CSK: variants seen among roughly 807,000 people sequenced by gnomAD.
CSK encodes tyrosine-protein kinase CSK.
CSK carries 7 observed loss-of-function variants against 62.3 expected under a neutral mutation model. That is an observed-to-expected ratio of 0.11 (90% CI 0.06 to 0.21). The LOEUF (loss-of-function observed/expected upper bound fraction) is 0.21, where lower values mean the gene tolerates loss of function less well. Among genes scored for constraint, CSK ranks in the 10% least tolerant of loss-of-function variants. The probability of loss-of-function intolerance (pLI) is 1.00; values close to 1 mark genes in which losing one functional copy is unlikely to be tolerated. For missense variants in CSK, 294 were observed against 613.5 expected (o/e 0.48, Z 5.50); for synonymous variants, 237 against 246.0 (o/e 0.96, Z 0.34).
Position 74,798,487 on chromosome 15 carries a change from G to A in CSK, c.16-128G>A, listed in dbSNP as rs762826293. ...CTCAACAGGAAGGGACCCAGGGCTC[G>A]TTCTCCGGGCAGAGCACCTCACCCA... On this transcript the variant is annotated intron_variant, in intron 2 of 12. Transcript: ENST00000220003. This position sits in a 1 kb window ranked among gnomAD's most constrained non-coding sequence, Gnocchi z 6.6. 93 of 1,219,022 alleles carry A rather than the reference G, an allele frequency of 7.6e-5. 1 individual carries two copies. In the African/African-American group the frequency reaches 9.0e-4, roughly 12 times the overall value. 75.5% of individuals were successfully genotyped at this position (1,219,022 alleles called of 1,614,324 possible).
rs1232728038 is a variant in CSK, at chr15:74,786,000, C to CTTTTTTTTTTTTTT, written c.-66+3281_-66+3282insTTTTTTTTTTTTTT. Among the ~76,000 whole-genome samples the CTTTTTTTTTTTTTT allele has an allele frequency of 4.7e-4, 28 of 59,932 alleles. 5 individuals carry two copies. Among genetic ancestry groups the CTTTTTTTTTTTTTT allele is most frequent in the Non-Finnish European group, 6.9e-4 (19 of 27,462 alleles). 39.3% of individuals were successfully genotyped at this position (59,932 alleles called of 152,430 possible). On this transcript the variant is annotated intron_variant, in intron 1 of 12. Transcript: ENST00000220003. Reference sequence around the variant, plus strand: ...CAAGGCCTCTTCTCTCTCTCTCTCTCTCTTTTTTTTTTTTGTGTGTGTGTG... The same window carrying CTTTTTTTTTTTTTT: ...CAAGGCCTCTTCTCTCTCTCTCTCTCTTTTTTTTTTTTTTTCTTTTTTTTTTTTGTGTGTGTGTG...
chr15:74,786,908 G>A (rs1363279617), intron 1 of CSK, among the ~76,000 whole-genome samples: 1 of 152,224 alleles, frequency 6.6e-6, no homozygotes, highest in Non-Finnish European at 1.5e-5. Flanking sequence ...TTTGGCCTGT[G>A]GAGTATCTCC....
chr15:74,793,324 C>G (rs2063653241), intron 1 of CSK: 1 of 152,768 alleles, frequency 6.5e-6, no homozygotes, highest in South Asian at 2.1e-4. Flanking sequence ...GGCAGCCCAC[C>G]CCGACCGCTC....
intron 1 of CSK, among the ~76,000 whole-genome samples, chr15:74,789,413 T>C (rs2063582531): frequency 6.6e-6 from 1 of 152,176 alleles, no homozygotes; most frequent in African/African-American, 2.4e-5. Context: ...CGGGCACCCT[T>C]CCTTGCCTGA....
chr15:74,794,369 C>T (rs1202991659), intron 1 of CSK, among the ~76,000 whole-genome samples: 6 of 142,372 alleles, frequency 4.2e-5, no homozygotes, highest in African/African-American at 1.3e-4. Flanking sequence ...AAGGGGTCCC[C>T]GCCACCCCCA....
At chr15:74,799,207 T>C in intron 4 of CSK, 65 bp from the exon 5 acceptor site, 1 of 1,521,354 alleles carries the variant, frequency 6.6e-7, no homozygotes, top group East Asian at 2.3e-5. Flanking sequence ...GGGAACCCCT[T>C]CAGAAAGGGG....
chr15:74,791,812 C>T (rs780821066), intron 1 of CSK, among the ~76,000 whole-genome samples: 3 of 152,214 alleles, frequency 2.0e-5, no homozygotes, highest in African/African-American at 7.2e-5. Flanking sequence ...AACGCCCCCC[C>T]GGGCAATGCA....
At chr15:74,799,029 C>CT in intron 4 of CSK, 91 bp downstream of exon 4, 1 of 1,225,100 alleles carries the variant, frequency 8.2e-7, no homozygotes, top group Non-Finnish European at 1.1e-6. Context: ...GAGTGAGGGG[C>CT]TTGGGTGTTG....
intron 12 of CSK, 76 bp downstream of exon 12, chr15:74,802,159 C>T (rs1370244002): frequency 1.3e-6 from 2 of 1,492,788 alleles, no homozygotes; most frequent in African/African-American, 2.8e-5. Context: ...CTCCTTGGGC[C>T]CTGCCTCCCC....
At chr15:74,790,506 C>A (rs1158029588) in intron 1 of CSK, among the ~76,000 whole-genome samples, 1 of 152,238 alleles carries the variant, frequency 6.6e-6, no homozygotes, top group African/African-American at 2.4e-5. Context: ...ACAATGCCAG[C>A]CTGTTCCCGG....
Position 74,798,725 on chromosome 15 carries a change from C to A in CSK, c.126C>A (p.Thr42=). The stretch of plus-strand genomic sequence containing the variant: ...ACGTGCTCACCATTGTGGCCGTCAC[C>A]AAGGTAATCAGGTGACGCCCACCCC... ...KGDVLTIVAV[T]KDPNWYKAKN... The change falls in exon 3 of 13, where the codon ACC becomes ACA. Residue 42 remains threonine (T), a synonymous_variant. Transcript: ENST00000220003. The surrounding 1 kb of genome is among the most constrained non-coding windows in gnomAD (Gnocchi z 6.6). The A allele has an allele frequency of 1.2e-6, 2 of 1,613,442 alleles. No homozygotes were observed. Among genetic ancestry groups the A allele is most frequent in the Admixed American group, 3.3e-5 (2 of 60,008 alleles).
At chr15:74,784,273 C>CT (rs2063482761) in intron 1 of CSK, among the ~76,000 whole-genome samples, 2 of 152,154 alleles carry the variant, frequency 1.3e-5, no homozygotes, top group Non-Finnish European at 2.9e-5. Flanking sequence ...CCCAGATGTC[C>CT]TGGGCCTGTG....
chr15:74,793,503 T>C (rs1347363643), intron 1 of CSK, among the ~76,000 whole-genome samples: 3 of 152,112 alleles, frequency 2.0e-5, no homozygotes, highest in Non-Finnish European at 4.4e-5. Flanking sequence ...GCTCAGCAGC[T>C]CAGGAGTTTG....
intron 1 of CSK, among the ~76,000 whole-genome samples, chr15:74,788,984 C>A (rs1000384307): frequency 2.6e-5 from 4 of 152,190 alleles, no homozygotes; most frequent in African/African-American, 9.7e-5. Context: ...TAATTAGAAA[C>A]CTTTCTGGGC....
intron 1 of CSK, among the ~76,000 whole-genome samples, chr15:74,789,455 C>T (rs1440412359): frequency 6.6e-6 from 1 of 152,222 alleles, no homozygotes; most frequent in Admixed American, 6.5e-5. Flanking sequence ...GTGCCTCAGC[C>T]TGGTGTCCTC....
chr15:74,798,750 C>T lies in CSK; in HGVS notation c.129+22C>T. On this transcript the variant is annotated intron_variant, in intron 3 of 12. Coordinates refer to ENST00000220003, the MANE Select transcript of CSK (RefSeq NM_004383.3). This position sits in a 1 kb window ranked among gnomAD's most constrained non-coding sequence, Gnocchi z 6.6. ...CAAGGTAATCAGGTGACGCCCACCC[C>T]ACCATCCCACTGCTGGGCCTTCCCT... The T allele has an allele frequency of 6.2e-7, 1 of 1,609,848 alleles. No homozygotes were observed. Among genetic ancestry groups the T allele is most frequent in the South Asian group, 1.1e-5 (1 of 90,902 alleles).
chr15:74,802,563 A>G lies in CSK; in HGVS notation c.*50A>G, dbSNP rs760020349. 2.5e-6 allele frequency: 4 copies of G among 1,589,170 alleles called. No homozygotes were observed. The South Asian group carries it at 4.6e-5, about 18-fold the overall frequency. ...GGCCTGTGGGGACTGAACCTGGAAG[A>G]TCATGGACCTGGTGCCCCTGCTCAC... On this transcript the variant is annotated 3_prime_UTR_variant, in exon 13 of 13. Transcript: ENST00000220003.
chr15:74,791,899 G>C (rs2063626908), intron 1 of CSK, among the ~76,000 whole-genome samples: 1 of 152,200 alleles, frequency 6.6e-6, no homozygotes, highest in Non-Finnish European at 1.5e-5. Flanking sequence ...TTGGTTCCGG[G>C]GTTGTCCGCA....
In CSK at chr15:74,802,566, A is replaced by G. The variant is rs371525210; in HGVS notation, c.*53A>G. The G allele has an allele frequency of 1.4e-5, 22 of 1,587,198 alleles. No homozygotes were observed. The highest frequency in any genetic ancestry group is 1.1e-4 in the East Asian group (5 of 44,384). ...CTGTGGGGACTGAACCTGGAAGATC[A>G]TGGACCTGGTGCCCCTGCTCACTGG... On this transcript the variant is annotated 3_prime_UTR_variant, in exon 13 of 13. Transcript: ENST00000220003.
Sources: allele counts gnomAD v4.1 joint callset (sites outside exome capture counted in the v4.1 genomes callset), GRCh38; gene constraint gnomAD v4.1.1; non-coding constraint Gnocchi (gnomAD v3.1); transcripts MANE v1.5; gene names NCBI Gene and HGNC (gene_info 2026-07-23, HGNC 2026-07-21).